The following ALKBH5 variants were observed in gnomAD, a reference collection of about 807,000 sequenced individuals.
ALKBH5 encodes alkB homolog 5, RNA demethylase, also known as RNA demethylase ALKBH5.
ALKBH5 carries 2 observed loss-of-function variants against 32.1 expected under a neutral mutation model. The ratio of observed to expected loss-of-function variants is 0.06; its 90% CI spans 0.03 to 0.20. ALKBH5 has a LOEUF of 0.20. Among genes scored for constraint, ALKBH5 ranks in the 10% least tolerant of loss-of-function variants. The pLI is 1.00. For missense variants in ALKBH5, 352 were observed against 559.5 expected (o/e 0.63, Z 3.74); for synonymous variants, 300 against 231.7 (o/e 1.29, Z -2.68).
intron 2 of ALKBH5, chr17:18,206,589 C>T (rs1477846322): frequency 1.8e-5 from 9 of 498,824 alleles, no homozygotes; most frequent in Non-Finnish European, 3.2e-5. Flanking sequence ...AGTTTCCAGA[C>T]AGAAGTGTTC....
At chr17:18,204,901 A>G (rs993329453) in intron 2 of ALKBH5, among the ~76,000 whole-genome samples, 2 of 152,072 alleles carry the variant, frequency 1.3e-5, no homozygotes, top group Non-Finnish European at 2.9e-5. Flanking sequence ...CTCGCCAAAA[A>G]AAAACCATTA....
intron 2 of ALKBH5, among the ~76,000 whole-genome samples, chr17:18,195,903 AC>A (rs777455085): frequency 2.9e-4 from 44 of 152,154 alleles, no homozygotes; most frequent in Non-Finnish European, 5.6e-4. Flanking sequence ...CTTAGGCTTG[AC>A]CCATAAAACT....
At chr17:18,202,375 T>C (rs898421401) in intron 2 of ALKBH5, among the ~76,000 whole-genome samples, 5 of 150,946 alleles carry the variant, frequency 3.3e-5, no homozygotes, top group Non-Finnish European at 5.9e-5. Context: ...GGAAGATGGG[T>C]GGGGAGAGTC....
chr17:18,184,200 G>A lies in ALKBH5; in HGVS notation c.-44G>A. The A allele has an allele frequency of 1.4e-6, 2 of 1,448,658 alleles. No individual in the cohort carries two copies. Among genetic ancestry groups the A allele is most frequent in the Non-Finnish European group, 1.8e-6 (2 of 1,103,658 alleles). 89.7% of individuals were successfully genotyped at this position (1,448,658 alleles called of 1,614,324 possible). A position where few individuals can be genotyped will look rare whatever the true frequency, so the allele number is the denominator to read the frequency against. On this transcript the variant is annotated 5_prime_UTR_variant, in exon 1 of 4. Transcript: ENST00000399138. The stretch of plus-strand genomic sequence containing the variant: ...CGTCCCCTTAGAGCCATGCCCGGCT[G>A]CCCCGCCCGCCCCGGAGGACCCTAG...
In ALKBH5 at chr17:18,184,525, C is replaced by T. The variant is rs547986892; in HGVS notation, c.282C>T (p.Leu94=). The change falls in exon 1 of 4, where the codon CTC becomes CTT. Residue 94 remains leucine, a synonymous_variant. Transcript: ENST00000399138. ...AGAGCGGCATCCGCCAGATGCGCCT[C>T]TTCAGCCAGGACGAGTGCGCCAAGA... The part of the protein sequence containing the change: ...KVKSGIRQMR[L]FSQDECAKIE... The T allele has an allele frequency of 4.0e-5, 64 of 1,613,250 alleles. 2 individuals are homozygous for T. The East Asian group carries it at 4.9e-4, about 12-fold the overall frequency.
chr17:18,188,057 CTT>C (rs951197619), intron 1 of ALKBH5, among the ~76,000 whole-genome samples: 4 of 152,214 alleles, frequency 2.6e-5, no homozygotes, highest in African/African-American at 9.6e-5. Context: ...CTTCAAACTC[CTT>C]TCCAAACCTA....
At position 18,184,363 on chromosome 17, in the gene ALKBH5, C is replaced by T. The variant is rs1295474188; in HGVS notation, c.120C>T (p.Ala40=). ...CCGCTGCCGCAGCCGCCGTAGCCGC[C>T]GCAGCCGCAGCCGCCGCTGCCGCCG... is the stretch of plus-strand genomic sequence containing the variant. ...AAAAAAAAVA[A]AAAAAAAAEP... The change falls in exon 1 of 4, where the codon GCC becomes GCT. Residue 40 remains alanine, a synonymous_variant. Coordinates refer to ENST00000399138, the MANE Select transcript of ALKBH5 (RefSeq NM_017758.4). 15 of 1,515,994 alleles carry T rather than the reference C, an allele frequency of 9.9e-6. No homozygotes were observed. The African/African-American group carries it at 1.3e-4, about 13-fold the overall frequency. The allele number at this position is 1,515,994 out of a possible 1,614,324, so 93.9% of individuals were successfully genotyped here.
chr17:18,207,204 A>G lies in ALKBH5; in HGVS notation c.1007+234A>G, dbSNP rs2047273993. Among the ~76,000 whole-genome samples the G allele has an allele frequency of 2.0e-5, 3 of 152,326 alleles. No individual in the cohort carries two copies. The South Asian group carries it at 6.2e-4, about 32-fold the overall frequency. ...AGAGACTGTAACAGATGGCAATATC[A>G]TGGCTTTCCCATGACTTTCCTTGTT... On this transcript the variant is annotated intron_variant, in intron 3 of 3. Coordinates refer to ENST00000399138, the MANE Select transcript of ALKBH5 (RefSeq NM_017758.4).
At chr17:18,188,039 T>C (rs1198374024) in intron 1 of ALKBH5, among the ~76,000 whole-genome samples, 1 of 152,242 alleles carries the variant, frequency 6.6e-6, no homozygotes, top group Non-Finnish European at 1.5e-5. Context: ...CAGAATCTTC[T>C]GGAAGTGCTT....
intron 2 of ALKBH5, among the ~76,000 whole-genome samples, chr17:18,195,748 C>G (rs1256615518): frequency 6.6e-6 from 1 of 152,204 alleles, no homozygotes; most frequent in African/African-American, 2.4e-5. Flanking sequence ...AGCTCTCTTC[C>G]TGCTTCAGCC....
chr17:18,191,022 C>T (rs1476973061), intron 1 of ALKBH5, among the ~76,000 whole-genome samples: 1 of 152,204 alleles, frequency 6.6e-6, no homozygotes. Flanking sequence ...TTCCTCTTCT[C>T]CTTTCCCTGT....
intron 1 of ALKBH5, 68 bp from the exon 2 acceptor site, chr17:18,194,887 T>TTA (rs1279212804): frequency 1.4e-6 from 2 of 1,420,606 alleles, no homozygotes; most frequent in Non-Finnish European, 2.0e-6. Flanking sequence ...TCCTGTCCTG[T>TTA]TATATCCCCC....
In ALKBH5 at chr17:18,208,776, A is replaced by T. The variant is rs1320215784; in HGVS notation, c.*380A>T. Reference sequence around the variant, plus strand: ...AAGAAAATTATTTTGCTTTCAGTGTAAATCTTCGCAGTGTTCTAAACAAAG... The same window carrying T: ...AAGAAAATTATTTTGCTTTCAGTGTTAATCTTCGCAGTGTTCTAAACAAAG... On this transcript the variant is annotated 3_prime_UTR_variant, in exon 4 of 4. Coordinates refer to ENST00000399138, the MANE Select transcript of ALKBH5 (RefSeq NM_017758.4). 1 of 347,764 alleles carries T rather than the reference A, an allele frequency of 2.9e-6. No individual in the cohort carries two copies. Among genetic ancestry groups the T allele is most frequent in the Non-Finnish European group, 5.5e-6 (1 of 182,336 alleles). The allele number at this position is 347,764 out of a possible 1,614,324, so 21.5% of individuals were successfully genotyped here.
intron 3 of ALKBH5, 28 bp from the exon 4 acceptor site, chr17:18,208,191 A>G (rs2142492975): frequency 2.5e-6 from 4 of 1,580,736 alleles, no homozygotes; most frequent in Non-Finnish European, 3.4e-6. Context: ...AGCCTCTCAG[A>G]TAACGTCCTA....
At chr17:18,192,070 G>C (rs1478305324) in intron 1 of ALKBH5, among the ~76,000 whole-genome samples, 1 of 152,168 alleles carries the variant, frequency 6.6e-6, no homozygotes, top group Non-Finnish European at 1.5e-5. Context: ...ATAAAAGCAT[G>C]GGATGAGAAC....
At chr17:18,192,549 A>T (rs1567674728) in intron 1 of ALKBH5, among the ~76,000 whole-genome samples, 1 of 152,372 alleles carries the variant, frequency 6.6e-6, no homozygotes, top group East Asian at 1.9e-4. Flanking sequence ...ATTACAGATG[A>T]AGAAACTGTA....
intron 2 of ALKBH5, among the ~76,000 whole-genome samples, chr17:18,200,414 T>C (rs2047229841): frequency 6.6e-6 from 1 of 152,192 alleles, no homozygotes; most frequent in East Asian, 1.9e-4. Context: ...ACTTGTATTC[T>C]TGAGATTGGT....
intron 1 of ALKBH5, among the ~76,000 whole-genome samples, chr17:18,194,000 C>T (rs548461425): frequency 6.6e-6 from 1 of 152,292 alleles, no homozygotes; most frequent in African/African-American, 2.4e-5. Context: ...TCAGAGCTTG[C>T]TTCCAGAGTT....
chr17:18,190,011 G>T (rs1333441416), intron 1 of ALKBH5, among the ~76,000 whole-genome samples: 1 of 152,224 alleles, frequency 6.6e-6, no homozygotes, highest in Non-Finnish European at 1.5e-5. Context: ...TGGCTGGTCT[G>T]CTGCCCCCAA....
Sources: gnomAD v4.1 joint callset for allele counts (sites outside exome capture counted in the v4.1 genomes callset) on GRCh38, gnomAD v4.1.1 for gene constraint, MANE v1.5 for transcripts, NCBI Gene and HGNC (gene_info 2026-07-23, HGNC 2026-07-21) for gene names.